Variants in TACC2 observed in about 807,000 individuals in gnomAD.
TACC2 encodes transforming acidic coiled-coil containing protein 2, also known as transforming acidic coiled-coil-containing protein 2.
TACC2 carries 137 observed loss-of-function variants against 227.3 expected under a neutral mutation model. The ratio of observed to expected loss-of-function variants is 0.60; its 90% CI spans 0.52 to 0.69. The LOEUF (loss-of-function observed/expected upper bound fraction) is 0.69, where lower values mean the gene tolerates loss of function less well. Among genes scored for constraint, TACC2 ranks in the 30% least tolerant of loss-of-function variants. TACC2 has a pLI of 0.00. For synonymous variants in TACC2, 1,523 were observed against 1,487.5 expected, an observed-to-expected ratio of 1.02 and a Z score of -0.55; for missense variants, 3,470 against 3,694.4, an observed-to-expected ratio of 0.94 and a Z score of 1.57.
chr10:122,166,816 C>A (rs1298725846), intron 7 of TACC2, among the ~76,000 whole-genome samples: 3 of 152,164 alleles, frequency 2.0e-5, no homozygotes, highest in Non-Finnish European at 4.4e-5. Flanking sequence ...CAATAGTGAC[C>A]ATTTGTTTCT....
At chr10:122,228,590 A>G (rs1208029007) in intron 14 of TACC2, among the ~76,000 whole-genome samples, 2 of 152,106 alleles carry the variant, frequency 1.3e-5, no homozygotes, top group African/African-American at 4.8e-5. Context: ...GAAATGCACC[A>G]TCCTTCTAGG....
intron 5 of TACC2, among the ~76,000 whole-genome samples, chr10:122,103,033 T>A (rs2082346906): frequency 6.6e-6 from 1 of 151,924 alleles, no homozygotes; most frequent in South Asian, 2.1e-4. Flanking sequence ...GTACAGCCCA[T>A]CATGGAATGT....
chr10:122,033,235 C>T (rs1016004529), intron 2 of TACC2: 3 of 945,068 alleles, frequency 3.2e-6, no homozygotes, highest in Admixed American at 2.4e-5. Context: ...TTTGGTGTGT[C>T]ATGTGCATTT....
intron 1 of TACC2, among the ~76,000 whole-genome samples, chr10:122,005,973 G>A (rs1437193950): frequency 6.6e-6 from 1 of 152,096 alleles, no homozygotes; most frequent in Non-Finnish European, 1.5e-5. Flanking sequence ...GGGATTATAG[G>A]TGTAAGCTAC....
intron 11 of TACC2, among the ~76,000 whole-genome samples, chr10:122,219,018 CA>C (rs61446434): frequency 8.2e-4 from 61 of 74,686 alleles, no homozygotes; most frequent in Middle Eastern, 0.015. Flanking sequence ...AGACTCGTCT[CA>C]AAAAAAAAAA....
At chr10:122,134,171 CTT>C (rs397964719) in intron 6 of TACC2, among the ~76,000 whole-genome samples, 10 of 141,252 alleles carry the variant, frequency 7.1e-5, no homozygotes, top group Non-Finnish European at 6.2e-5. Context: ...AGCCATAGTT[CTT>C]TTTTTTTTTT....
At chr10:122,112,147 T>C (rs78152833) in intron 5 of TACC2, among the ~76,000 whole-genome samples, 1,818 of 152,222 alleles carry the variant, frequency 0.012, 53 homozygotes, top group African/African-American at 0.041. Flanking sequence ...TCTATAGCAG[T>C]GCTTTCTGTG....
At chr10:122,011,715 GT>G (rs1319537966) in intron 1 of TACC2, among the ~76,000 whole-genome samples, 9 of 152,182 alleles carry the variant, frequency 5.9e-5, no homozygotes, top group Admixed American at 3.3e-4. Context: ...ATAATTTGTT[GT>G]TGGTGGTGGT....
chr10:122,074,183 C>A (rs754898801), intron 3 of TACC2, among the ~76,000 whole-genome samples: 5 of 150,598 alleles, frequency 3.3e-5, no homozygotes, highest in Non-Finnish European at 7.4e-5. Flanking sequence ...CAAGTTCAAG[C>A]GATTCTCCTG....
intron 5 of TACC2, among the ~76,000 whole-genome samples, chr10:122,089,744 A>G (rs1227926098): frequency 6.6e-6 from 1 of 151,774 alleles, no homozygotes; most frequent in Non-Finnish European, 1.5e-5. Flanking sequence ...CATTTTATAA[A>G]TGATCTGATT....
chr10:122,238,293 C>T (rs2095901120), intron 18 of TACC2, among the ~76,000 whole-genome samples: 1 of 152,208 alleles, frequency 6.6e-6, no homozygotes, highest in African/African-American at 2.4e-5. Flanking sequence ...GCCTCCAGTT[C>T]CACAACTCGC....
intron 8 of TACC2, among the ~76,000 whole-genome samples, chr10:122,196,356 C>T (rs2094567433): frequency 6.6e-6 from 1 of 152,146 alleles, no homozygotes; most frequent in African/African-American, 2.4e-5. Context: ...GAGCTGATGC[C>T]TTTGGTGGAG....
intron 3 of TACC2, among the ~76,000 whole-genome samples, chr10:122,078,710 A>G (rs2079116430): frequency 6.6e-6 from 1 of 152,252 alleles, no homozygotes; most frequent in East Asian, 1.9e-4. Flanking sequence ...CACAGCCCTC[A>G]ACAGATCAGT....
At chr10:122,138,186 A>G (rs1201283114) in intron 6 of TACC2, among the ~76,000 whole-genome samples, 1 of 151,838 alleles carries the variant, frequency 6.6e-6, no homozygotes, top group Non-Finnish European at 1.5e-5. Flanking sequence ...AGGTTAGTTG[A>G]ACCTTTATTT....
chr10:122,121,895 G>A (rs1001973163), intron 5 of TACC2, among the ~76,000 whole-genome samples: 19 of 152,154 alleles, frequency 1.2e-4, no homozygotes, highest in African/African-American at 3.1e-4. Context: ...GGGCTGTGCC[G>A]CTGAACTCTG....
intron 2 of TACC2, among the ~76,000 whole-genome samples, chr10:122,033,444 A>G (rs1228588233): frequency 6.6e-6 from 1 of 152,196 alleles, no homozygotes; most frequent in Non-Finnish European, 1.5e-5. Context: ...AAAGGAACGT[A>G]GATGCTGGGA....
At chr10:122,244,441 A>G (rs1031388235) in intron 19 of TACC2, among the ~76,000 whole-genome samples, 5 of 152,110 alleles carry the variant, frequency 3.3e-5, no homozygotes, top group Non-Finnish European at 5.9e-5. Flanking sequence ...TGTGGTTGTC[A>G]TTCCTTCAGC....
intron 3 of TACC2, among the ~76,000 whole-genome samples, chr10:122,055,338 G>A (rs1476250404): frequency 1.3e-5 from 2 of 152,134 alleles, no homozygotes; most frequent in African/African-American, 4.8e-5. Context: ...AAACATGTTA[G>A]GGCATATATT....
intron 3 of TACC2, among the ~76,000 whole-genome samples, chr10:122,066,491 A>G (rs889825065): frequency 1.3e-5 from 2 of 152,096 alleles, no homozygotes; most frequent in African/African-American, 4.8e-5. Flanking sequence ...GTGGTCTCGA[A>G]CCCCTAACCT....
Sources: gnomAD v4.1 joint callset for allele counts (sites outside exome capture counted in the v4.1 genomes callset) on GRCh38, gnomAD v4.1.1 for gene constraint, MANE v1.5 for transcripts, NCBI Gene and HGNC (gene_info 2026-07-23, HGNC 2026-07-21) for gene names.